Variants in GRID2 observed in about 807,000 individuals in gnomAD.
GRID2 encodes the protein glutamate receptor ionotropic, delta-2.
GRID2 carries 33 observed loss-of-function variants against 114.8 expected under a neutral mutation model. That is an observed-to-expected ratio of 0.29 (90% CI 0.22 to 0.38). The LOEUF is 0.38. GRID2 is among the 10% of genes least tolerant of loss of function. The pLI is 1.00. For missense variants in GRID2, 1,184 were observed against 1,257.7 expected (o/e 0.94, Z 0.89); for synonymous variants, 505 against 449.9 (o/e 1.12, Z -1.55).
chr4:92,647,753 T>C (rs915398702), intron 2 of GRID2, among the ~76,000 whole-genome samples: 1 of 149,824 alleles, frequency 6.7e-6, no homozygotes, highest in Non-Finnish European at 1.5e-5. Flanking sequence ...TAAACAAATA[T>C]GTTACATTCC....
At chr4:93,445,873 C>T (rs1722045990) in intron 10 of GRID2, among the ~76,000 whole-genome samples, 1 of 151,820 alleles carries the variant, frequency 6.6e-6, no homozygotes, top group Non-Finnish European at 1.5e-5. Flanking sequence ...CTTTACCTTC[C>T]ATTTTTTAGA....
chr4:93,331,956 T>G (rs1240229508), intron 8 of GRID2, among the ~76,000 whole-genome samples: 1 of 152,130 alleles, frequency 6.6e-6, no homozygotes, highest in Non-Finnish European at 1.5e-5. Flanking sequence ...TACTCTCTAA[T>G]AGCTTTCATT....
At chr4:93,605,812 A>G (rs114020556) in intron 13 of GRID2, among the ~76,000 whole-genome samples, 3 of 152,226 alleles carry the variant, frequency 2.0e-5, no homozygotes, top group African/African-American at 7.2e-5. Context: ...GTATAATGCA[A>G]TGTGCTAAAA....
At chr4:92,365,791 AAAAT>A (rs1411837211) in intron 1 of GRID2, among the ~76,000 whole-genome samples, 1 of 152,046 alleles carries the variant, frequency 6.6e-6, no homozygotes, top group East Asian at 1.9e-4. Flanking sequence ...ATATTAACCA[AAAAT>A]AAATAATCAG....
At chr4:93,267,178 T>TA (rs397774071) in intron 8 of GRID2, among the ~76,000 whole-genome samples, 68 of 84,334 alleles carry the variant, frequency 8.1e-4, no homozygotes, top group East Asian at 2.0e-3. Flanking sequence ...TTTTTTTTTT[T>TA]AATTTTATTA....
chr4:93,553,009 C>T (rs1015093313), intron 13 of GRID2, among the ~76,000 whole-genome samples: 4 of 152,104 alleles, frequency 2.6e-5, no homozygotes, highest in South Asian at 2.1e-4. Context: ...ACATGTGCCA[C>T]GTTTTCTTTA....
intron 10 of GRID2, among the ~76,000 whole-genome samples, chr4:93,428,703 T>C (rs921612606): frequency 2.0e-5 from 3 of 152,320 alleles, no homozygotes; most frequent in African/African-American, 7.2e-5. Flanking sequence ...ATTCTACCTA[T>C]TAAAGCATGA....
chr4:93,730,146 AG>A (rs1406589475), intron 14 of GRID2, among the ~76,000 whole-genome samples: 2 of 152,224 alleles, frequency 1.3e-5, no homozygotes, highest in Non-Finnish European at 2.9e-5. Context: ...AAGAGAGATT[AG>A]GGATGGCAAT....
At chr4:93,733,744 T>C (rs906382866) in intron 14 of GRID2, among the ~76,000 whole-genome samples, 16 of 152,130 alleles carry the variant, frequency 1.1e-4, no homozygotes, top group East Asian at 3.8e-4. Context: ...CAGTGTCAGA[T>C]TTCCAAATCT....
intron 13 of GRID2, among the ~76,000 whole-genome samples, chr4:93,580,780 G>T (rs777466329): frequency 6.6e-6 from 1 of 150,752 alleles, no homozygotes; most frequent in African/African-American, 2.4e-5. Flanking sequence ...TTTGGTATTG[G>T]TAAGCGTTTA....
intron 9 of GRID2, among the ~76,000 whole-genome samples, chr4:93,398,302 T>C (rs1215661015): frequency 1.3e-5 from 2 of 151,196 alleles, no homozygotes; most frequent in South Asian, 2.1e-4. Flanking sequence ...CTACGTGTGG[T>C]AACTGCTCTG....
chr4:93,270,598 T>C (rs1219545466), intron 8 of GRID2, among the ~76,000 whole-genome samples: 1 of 151,970 alleles, frequency 6.6e-6, no homozygotes, highest in Non-Finnish European at 1.5e-5. Context: ...TAACATAATA[T>C]GTATTTTCTT....
intron 1 of GRID2, among the ~76,000 whole-genome samples, chr4:92,384,484 T>A (rs1382232475): frequency 8.8e-5 from 5 of 56,564 alleles, no homozygotes; most frequent in African/African-American, 3.2e-4. Context: ...ATATATTATT[T>A]ATATATAATA....
At chr4:92,785,011 T>A (rs980997881) in intron 2 of GRID2, among the ~76,000 whole-genome samples, 1 of 151,570 alleles carries the variant, frequency 6.6e-6, no homozygotes, top group African/African-American at 2.4e-5. Context: ...GAAAAGTTAG[T>A]GTCTGAAAGG....
intron 1 of GRID2, among the ~76,000 whole-genome samples, chr4:93,793,318 C>A (rs1222947992): frequency 6.6e-6 from 1 of 152,122 alleles, no homozygotes; most frequent in Non-Finnish European, 1.5e-5. Flanking sequence ...AAGATGCCCT[C>A]CTTCCCTAAG....
intron 2 of GRID2, among the ~76,000 whole-genome samples, chr4:93,005,387 C>CTGTCCTA (rs1446371275): frequency 6.6e-6 from 1 of 152,040 alleles, no homozygotes; most frequent in African/African-American, 2.4e-5. Context: ...AATCCTGCTA[C>CTGTCCTA]TGTCCTAGTC....
intron 2 of GRID2, among the ~76,000 whole-genome samples, chr4:92,748,789 G>T (rs1177179393): frequency 6.6e-6 from 1 of 150,948 alleles, no homozygotes; most frequent in Non-Finnish European, 1.5e-5. Flanking sequence ...AGCCTCCTGA[G>T]TAGCTGGGAT....
chr4:92,615,104 G>A (rs535139968), intron 2 of GRID2, among the ~76,000 whole-genome samples: 1 of 151,634 alleles, frequency 6.6e-6, no homozygotes, highest in East Asian at 2.0e-4. Context: ...AAAAGTCCAA[G>A]AACAATGTGC....
intron 13 of GRID2, among the ~76,000 whole-genome samples, chr4:93,559,713 G>T (rs954356366): frequency 5.3e-5 from 8 of 152,100 alleles, no homozygotes; most frequent in African/African-American, 1.9e-4. Context: ...ATTTGACCCA[G>T]CCATCCCATT....
Sources: gnomAD v4.1 joint callset for allele counts (sites outside exome capture counted in the v4.1 genomes callset) on GRCh38, gnomAD v4.1.1 for gene constraint, MANE v1.5 for transcripts, NCBI Gene and HGNC (gene_info 2026-07-23, HGNC 2026-07-21) for gene names.